TARP: variants seen among roughly 807,000 people sequenced by gnomAD.
the TARP span, chr7:38,262,200 G>T: frequency 7.9e-4 from 1,267 of 1,612,020 alleles, 20 homozygotes; most frequent in Non-Finnish European, 1.1e-4. Context: ...ATTGTCTTTG[G>T]GATCCATTGT....
the TARP span, among the ~76,000 whole-genome samples, chr7:38,260,786 G>A: frequency 2.6e-5 from 4 of 151,694 alleles, no homozygotes. Context: ...TGTGGAAAAG[G>A]ATCTCAAGAA....
chr7:38,272,965 T>C, the TARP span, among the ~76,000 whole-genome samples: 1 of 151,558 alleles, frequency 6.6e-6, no homozygotes, highest in African/African-American at 2.4e-5. Context: ...ATCAACTTTG[T>C]GAAAATTCTC....
the TARP span, among the ~76,000 whole-genome samples, chr7:38,268,844 A>G: frequency 6.9e-4 from 101 of 146,464 alleles, no homozygotes; most frequent in South Asian, 1.3e-3. Flanking sequence ...AATTAGATGG[A>G]CTGAGAGCAA....
the TARP span, among the ~76,000 whole-genome samples, chr7:38,269,309 T>A: frequency 6.6e-6 from 1 of 151,992 alleles, no homozygotes; most frequent in Non-Finnish European, 1.5e-5. Flanking sequence ...TTATGATATC[T>A]GTGCAATGTT....
chr7:38,262,832 T>C, the TARP span, among the ~76,000 whole-genome samples: 28 of 151,428 alleles, frequency 1.8e-4, no homozygotes, highest in Admixed American at 1.7e-3. Context: ...CTAATGTTTG[T>C]ATTTTTTGTA....
chr7:38,268,230 T>G, the TARP span, among the ~76,000 whole-genome samples: 1 of 151,448 alleles, frequency 6.6e-6, no homozygotes, highest in East Asian at 1.9e-4. Context: ...TTTATTTTAT[T>G]GTTGGATTCA....
the TARP span, among the ~76,000 whole-genome samples, chr7:38,266,494 G>A: frequency 9.2e-4 from 140 of 151,890 alleles, no homozygotes; most frequent in African/African-American, 3.2e-3. Context: ...CTAGGAACAT[G>A]TTTCACCATA....
chr7:38,265,561 T>C, the TARP span: 1 of 1,612,182 alleles, frequency 6.2e-7, no homozygotes, highest in Admixed American at 1.7e-5. Flanking sequence ...CTTAATAACA[T>C]CAGGGAAAAA....
At chr7:38,262,172 A>G in the TARP span, 1 of 1,611,722 alleles carries the variant, frequency 6.2e-7, no homozygotes, top group Non-Finnish European at 8.5e-7. Context: ...AAAGCTTACC[A>G]TTTGCATCTT....
chr7:38,272,018 T>C, the TARP span, among the ~76,000 whole-genome samples: 4 of 151,328 alleles, frequency 2.6e-5, no homozygotes, highest in South Asian at 8.3e-4. Context: ...TAAACATAAA[T>C]TTTCTCTTGA....
the TARP span, chr7:38,265,427 C>G: frequency 6.2e-7 from 1 of 1,612,050 alleles, no homozygotes; most frequent in Non-Finnish European, 8.5e-7. Context: ...CATCTGTGTT[C>G]TTTGTCCAGT....
the TARP span, chr7:38,259,661 A>C: frequency 6.2e-6 from 1 of 160,820 alleles, no homozygotes; most frequent in Non-Finnish European, 1.4e-5. Flanking sequence ...ATTTTTTTAA[A>C]TTTATTTTGC....
At chr7:38,265,790 T>G in the TARP span, 16 of 793,822 alleles carry the variant, frequency 2.0e-5, 1 homozygote, top group Admixed American at 2.1e-4. Context: ...GCCATTGAGC[T>G]GGTGTCCACT....
chr7:38,273,289 G>GA, the TARP span, among the ~76,000 whole-genome samples: 3 of 148,414 alleles, frequency 2.0e-5, no homozygotes, highest in East Asian at 5.8e-4. Flanking sequence ...TTTTAGAACT[G>GA]AAGAAATAAA....
the TARP span, among the ~76,000 whole-genome samples, chr7:38,269,890 A>G: frequency 6.6e-6 from 1 of 152,006 alleles, no homozygotes; most frequent in African/African-American, 2.4e-5. Flanking sequence ...GCTTGAGCTC[A>G]GAATTTTGAG....
At chr7:38,271,732 A>G in the TARP span, among the ~76,000 whole-genome samples, 2 of 151,516 alleles carry the variant, frequency 1.3e-5, no homozygotes, top group African/African-American at 2.4e-5. Context: ...TCATAAGAGG[A>G]TTCCAAAGTG....
chr7:38,269,253 T>C, the TARP span, among the ~76,000 whole-genome samples: 1 of 151,880 alleles, frequency 6.6e-6, no homozygotes, highest in Non-Finnish European at 1.5e-5. Context: ...ATACATTACA[T>C]ATGAGCCCTT....
At chr7:38,267,688 G>A in the TARP span, among the ~76,000 whole-genome samples, 3 of 150,558 alleles carry the variant, frequency 2.0e-5, no homozygotes, top group African/African-American at 7.4e-5. Context: ...GTGAGACAGT[G>A]TATATTTCTC....
chr7:38,263,985 A>C, the TARP span, among the ~76,000 whole-genome samples: 1 of 151,982 alleles, frequency 6.6e-6, no homozygotes, highest in African/African-American at 2.4e-5. Context: ...GATAAATGAA[A>C]ATGACTATCA....
Sources: gnomAD v4.1 joint callset for allele counts (sites outside exome capture counted in the v4.1 genomes callset) on GRCh38, gnomAD v4.1.1 for gene constraint, MANE v1.5 for transcripts.